CCSER1: variants seen among roughly 807,000 people sequenced by gnomAD.
CCSER1 encodes the protein serine-rich coiled-coil domain-containing protein 1.
A neutral mutation model predicts 82.0 loss-of-function variants in CCSER1; 41 were observed. That is an observed-to-expected ratio of 0.50 (90% CI 0.39 to 0.65). The LOEUF is 0.65. Among genes scored for constraint, CCSER1 ranks in the 30% least tolerant of loss-of-function variants. CCSER1 has a pLI of 0.00. For synonymous variants in CCSER1, 414 were observed against 383.9 expected, an observed-to-expected ratio of 1.08 and a Z score of -0.92; for missense variants, 1,119 against 1,064.2, an observed-to-expected ratio of 1.05 and a Z score of -0.72.
At chr4:91,514,213 C>A (rs1759979087) in intron 10 of CCSER1, among the ~76,000 whole-genome samples, 1 of 152,072 alleles carries the variant, frequency 6.6e-6, no homozygotes. Flanking sequence ...TTATTGTTAA[C>A]CCAAAAGTAA....
chr4:90,675,618 A>C, intron 6 of CCSER1, among the ~76,000 whole-genome samples: 1 of 1,206 alleles, frequency 8.3e-4, no homozygotes, highest in Admixed American at 0.012. Flanking sequence ...ACATGATCTA[A>C]AATTTATATA....
At position 90,719,401 on chromosome 4, in the gene CCSER1, T is replaced by C. The variant is rs1742280093; in HGVS notation, c.1933-4513T>C. ...AGTTGTATAATTATTTGATTATATG[T>C]TACAATGTAGTAATAATAGAAATAA... is the stretch of plus-strand genomic sequence containing the variant. On this transcript the variant is annotated intron_variant, in intron 6 of 10. Transcript: ENST00000509176. 2.0e-5 allele frequency among the ~76,000 whole-genome samples: 3 copies of C among 152,160 alleles called. No individual in the cohort carries two copies. In the South Asian group the frequency reaches 6.2e-4, roughly 31 times the overall value.
chr4:91,136,859 T>G (rs886945681), intron 10 of CCSER1, among the ~76,000 whole-genome samples: 1 of 152,186 alleles, frequency 6.6e-6, no homozygotes, highest in African/African-American at 2.4e-5. Flanking sequence ...CCTCTTCATT[T>G]TTACTGGCTA....
rs1578400426 is a variant in CCSER1, at chr4:90,423,603, T to C, written c.1603+23474T>C. On this transcript the variant is annotated intron_variant, in intron 4 of 10. Transcript: ENST00000509176. ...GATTCTTCTGCCTCAGCCCCCTGAG[T>C]AGCTGGGATTACAGGCAAGAGCCAC... Among the ~76,000 whole-genome samples the C allele has an allele frequency of 2.0e-5, 3 of 152,218 alleles. 1 individual carries two copies. In the South Asian group the frequency reaches 6.2e-4, roughly 32 times the overall value.
chr4:90,363,451 A>C (rs2153519921), intron 3 of CCSER1, among the ~76,000 whole-genome samples: 1 of 152,274 alleles, frequency 6.6e-6, no homozygotes, highest in Non-Finnish European at 1.5e-5. Flanking sequence ...TGGCACCTAA[A>C]GTACACCAGA....
intron 8 of CCSER1, among the ~76,000 whole-genome samples, chr4:90,908,561 A>C (rs1039400695): frequency 1.3e-5 from 2 of 152,184 alleles, no homozygotes; most frequent in African/African-American, 4.8e-5. Flanking sequence ...AATATGTTAT[A>C]CTTAAATTAA....
intron 10 of CCSER1, among the ~76,000 whole-genome samples, chr4:91,286,601 G>T (rs1334066652): frequency 6.6e-6 from 1 of 151,698 alleles, no homozygotes; most frequent in Non-Finnish European, 1.5e-5. Flanking sequence ...TTAACATTTG[G>T]ATAAAATTTG....
Position 90,418,973 on chromosome 4 carries a change from T to C in CCSER1, c.1603+18844T>C, listed in dbSNP as rs145597787. On this transcript the variant is annotated intron_variant, in intron 4 of 10. Coordinates refer to ENST00000509176, the MANE Select transcript of CCSER1 (RefSeq NM_001145065.2). ...AGAAAGTGTTATCATTCTCTCTTCA[T>C]AGATGAAGGAAGAGAAACCCAGAAG... Among the ~76,000 whole-genome samples the C allele has an allele frequency of 3.8e-3, 571 of 152,090 alleles. 1 individual carries two copies. The highest frequency in any genetic ancestry group is 6.7e-3 in the Admixed American group (102 of 15,280).
intron 10 of CCSER1, among the ~76,000 whole-genome samples, chr4:91,509,877 AGTG>A (rs1251601158): frequency 4.6e-5 from 7 of 152,128 alleles, no homozygotes; most frequent in Admixed American, 4.6e-4. Flanking sequence ...TTTAGATTCA[AGTG>A]GTACATGTGC....
chr4:91,074,147 G>A (rs927125844), intron 9 of CCSER1, among the ~76,000 whole-genome samples: 1 of 152,162 alleles, frequency 6.6e-6, no homozygotes, highest in African/African-American at 2.4e-5. Context: ...TGTCTAAAGA[G>A]ATCAGTTCAA....
At position 90,950,562 on chromosome 4, in the gene CCSER1, G is replaced by A. The variant is rs1732794067; in HGVS notation, c.2172+27115G>A. On this transcript the variant is annotated intron_variant, in intron 9 of 10. Transcript: ENST00000509176. Reference sequence around the variant, plus strand: ...CATACACACACGTTGAATTCCCACAGCTCTAGCTGTCTGATTCAGAAAGAG... The same window carrying A: ...CATACACACACGTTGAATTCCCACAACTCTAGCTGTCTGATTCAGAAAGAG... Among the ~76,000 whole-genome samples, 5 of 151,886 alleles carry A rather than the reference G, an allele frequency of 3.3e-5. No homozygotes were observed. The South Asian group carries it at 1.0e-3, about 32-fold the overall frequency.
intron 3 of CCSER1, chr4:90,325,695 A>C: frequency 2.3e-6 from 1 of 435,282 alleles, no homozygotes; most frequent in South Asian, 1.6e-5. Context: ...GGTGACAGTC[A>C]CTGGAATCTG....
chr4:90,603,610 A>T (rs541773348), intron 5 of CCSER1, among the ~76,000 whole-genome samples: 2 of 123,738 alleles, frequency 1.6e-5, no homozygotes, highest in African/African-American at 8.3e-5. Flanking sequence ...TAATTCTAAC[A>T]TCTTTTCTCT....
intron 10 of CCSER1, among the ~76,000 whole-genome samples, chr4:91,471,184 G>T (rs1757254017): frequency 6.6e-6 from 1 of 152,152 alleles, no homozygotes; most frequent in Admixed American, 6.5e-5. Context: ...AAAATATAAG[G>T]TTTTAGGGGT....
chr4:91,558,610 A>C (rs1039606814), intron 10 of CCSER1, among the ~76,000 whole-genome samples: 1 of 151,626 alleles, frequency 6.6e-6, no homozygotes, highest in African/African-American at 2.4e-5. Context: ...ACCGTTCCAC[A>C]TGGCTGGGGA....
At chr4:90,365,358 AAT>A (rs1364571369) in intron 3 of CCSER1, among the ~76,000 whole-genome samples, 3 of 151,794 alleles carry the variant, frequency 2.0e-5, no homozygotes, top group Admixed American at 6.6e-5. Flanking sequence ...TATGTATATA[AAT>A]ATATATGTGC....
intron 4 of CCSER1, among the ~76,000 whole-genome samples, chr4:90,421,060 T>C (rs1756620135): frequency 6.6e-6 from 1 of 152,176 alleles, no homozygotes; most frequent in African/African-American, 2.4e-5. Flanking sequence ...AGAATATTTA[T>C]GTATTTAAAG....
At chr4:90,480,107 T>G (rs552929852) in intron 5 of CCSER1, among the ~76,000 whole-genome samples, 58 of 152,350 alleles carry the variant, frequency 3.8e-4, no homozygotes, top group African/African-American at 1.3e-3. Flanking sequence ...TGGTTTTGAT[T>G]GACATTTCTC....
chr4:90,491,829 G>C (rs572403965), intron 5 of CCSER1, among the ~76,000 whole-genome samples: 1 of 152,034 alleles, frequency 6.6e-6, no homozygotes, highest in Admixed American at 6.6e-5. Context: ...TTATTGATTT[G>C]CATATGTTGA....
Sources: gnomAD v4.1 joint callset for allele counts (sites outside exome capture counted in the v4.1 genomes callset) on GRCh38, gnomAD v4.1.1 for gene constraint, MANE v1.5 for transcripts, NCBI Gene and HGNC (gene_info 2026-07-23, HGNC 2026-07-21) for gene names.